Variants in TCF4 observed in about 807,000 individuals in gnomAD.
TCF4 encodes SL3-3 enhancer factor 2.
Under a neutral mutation model 82.1 loss-of-function variants are expected in TCF4, and 3 were observed. That is an observed-to-expected ratio of 0.04 (90% CI 0.02 to 0.09). TCF4 has a LOEUF of 0.09. Among genes scored for constraint, TCF4 ranks in the 10% least tolerant of loss-of-function variants. The pLI, the probability that TCF4 is intolerant of heterozygous loss-of-function variation, is 1.00. For missense variants in TCF4, 518 were observed against 852.7 expected (o/e 0.61, Z 4.89); for synonymous variants, 276 against 309.6 (o/e 0.89, Z 1.14).
intron 15 of TCF4, among the ~76,000 whole-genome samples, chr18:55,242,767 G>A (rs777792377): frequency 2.6e-4 from 40 of 152,102 alleles, no homozygotes; most frequent in South Asian, 8.3e-4. Flanking sequence ...GCACCTTTAC[G>A]CCCAGCTAAT....
chr18:55,427,775 C>CTTTTATGGAATTGTA (rs2095047265), intron 5 of TCF4, among the ~76,000 whole-genome samples: 1 of 152,054 alleles, frequency 6.6e-6, no homozygotes, highest in Admixed American at 6.5e-5. Flanking sequence ...AAAATAGTAC[C>CTTTTATGGAATTGTA]TGCTATTTGT....
At chr18:55,256,570 C>A (rs150850234) in intron 14 of TCF4, among the ~76,000 whole-genome samples, 29 of 152,234 alleles carry the variant, frequency 1.9e-4, no homozygotes, top group African/African-American at 6.3e-4. Flanking sequence ...AACACTAAAG[C>A]AGATAGATAA....
intron 3 of TCF4, among the ~76,000 whole-genome samples, chr18:55,490,017 A>C (rs2096559462): frequency 6.6e-6 from 1 of 152,220 alleles, no homozygotes; most frequent in Non-Finnish European, 1.5e-5. Context: ...TTTTAATGAC[A>C]CATGAAGAAT....
At chr18:55,289,133 G>A (rs2064405756) in intron 8 of TCF4, among the ~76,000 whole-genome samples, 1 of 152,142 alleles carries the variant, frequency 6.6e-6, no homozygotes, top group Non-Finnish European at 1.5e-5. Flanking sequence ...AACTGATTAA[G>A]TTACACCTGG....
chr18:55,546,787 A>G (rs2097210887), intron 3 of TCF4: 2 of 152,232 alleles, frequency 1.3e-5, no homozygotes, highest in Non-Finnish European at 2.9e-5. Flanking sequence ...ATTCATCCCA[A>G]TATATCAACA....
At chr18:55,547,918 T>G (rs1171418664) in intron 3 of TCF4, among the ~76,000 whole-genome samples, 1 of 152,210 alleles carries the variant, frequency 6.6e-6, no homozygotes, top group Non-Finnish European at 1.5e-5. Flanking sequence ...CCATCTAATG[T>G]CATAGCACTC....
chr18:55,434,419 C>CTTTTTTTT (rs765165999), intron 5 of TCF4, among the ~76,000 whole-genome samples: 5 of 118,186 alleles, frequency 4.2e-5, no homozygotes, highest in Admixed American at 2.0e-4. Context: ...ACAGGACATT[C>CTTTTTTTT]TTTTTTTTTT....
At chr18:55,399,829 TTCTC>T (rs147568400) in intron 6 of TCF4, among the ~76,000 whole-genome samples, 14 of 80,794 alleles carry the variant, frequency 1.7e-4, no homozygotes, top group Middle Eastern at 7.4e-3. Context: ...GCAGCTTTCT[TTCTC>T]TCTCTCTCTC....
At chr18:55,538,838 AGAAG>A (rs1201801844) in intron 3 of TCF4, among the ~76,000 whole-genome samples, 2 of 152,194 alleles carry the variant, frequency 1.3e-5, no homozygotes, top group East Asian at 1.9e-4. Context: ...CGAAAATGAA[AGAAG>A]GAAGGTTCGG....
intron 3 of TCF4, among the ~76,000 whole-genome samples, chr18:55,483,762 A>C (rs1359142716): frequency 6.6e-6 from 1 of 152,208 alleles, no homozygotes; most frequent in Non-Finnish European, 1.5e-5. Context: ...AAATTGGGTT[A>C]GGCATTCTGC....
At chr18:55,412,325 T>C (rs1384307441) in intron 5 of TCF4, among the ~76,000 whole-genome samples, 1 of 151,694 alleles carries the variant, frequency 6.6e-6, no homozygotes, top group African/African-American at 2.4e-5. Context: ...CCTTTAAATG[T>C]GCTCATCTCC....
At chr18:55,545,473 C>A (rs1207175187) in intron 3 of TCF4, among the ~76,000 whole-genome samples, 1 of 151,998 alleles carries the variant, frequency 6.6e-6, no homozygotes, top group Admixed American at 6.6e-5. Flanking sequence ...TTTTGAGACA[C>A]TGTCTCACCA....
At chr18:55,576,852 G>T (rs2097531955) in intron 3 of TCF4, among the ~76,000 whole-genome samples, 1 of 151,614 alleles carries the variant, frequency 6.6e-6, no homozygotes, top group Non-Finnish European at 1.5e-5. Context: ...AAAACATGAG[G>T]TTTTTTTGCA....
chr18:55,447,044 C>A (rs1209166743), intron 5 of TCF4, among the ~76,000 whole-genome samples: 1 of 151,324 alleles, frequency 6.6e-6, no homozygotes, highest in South Asian at 2.1e-4. Flanking sequence ...GACACAGTGG[C>A]TCACACTTGT....
intron 8 of TCF4, among the ~76,000 whole-genome samples, chr18:55,311,526 C>T (rs948132369): frequency 2.6e-5 from 4 of 152,210 alleles, no homozygotes; most frequent in Non-Finnish European, 5.9e-5. Context: ...CTGTCAGCAA[C>T]AAATATCCAC....
chr18:55,500,337 AG>A lies in TCF4; in HGVS notation c.146-36201del, dbSNP rs2096684115. On this transcript the variant is annotated intron_variant, in intron 3 of 19. Transcript: ENST00000354452. ...TAGCCTGCAAAGAATTAGGAATAGC[AG>A]GGGAAAGGAGTGGAGGAGGGGAGAA... Among the ~76,000 whole-genome samples the A allele has an allele frequency of 4.6e-5, 7 of 152,336 alleles. No individual in the cohort carries two copies. In the South Asian group the frequency reaches 1.5e-3, roughly 32 times the overall value.
chr18:55,601,910 T>A (rs1414163341), intron 2 of TCF4, among the ~76,000 whole-genome samples: 3 of 152,240 alleles, frequency 2.0e-5, no homozygotes, highest in African/African-American at 7.2e-5. Context: ...GTGCAACTTA[T>A]AAGTCACCTG....
chr18:55,549,167 G>A (rs1055237393), intron 3 of TCF4, among the ~76,000 whole-genome samples: 1 of 152,028 alleles, frequency 6.6e-6, no homozygotes, highest in Non-Finnish European at 1.5e-5. Context: ...TGCACGTGAT[G>A]GCACGCACCT....
intron 8 of TCF4, among the ~76,000 whole-genome samples, chr18:55,294,303 T>C (rs1242010724): frequency 2.6e-5 from 4 of 152,036 alleles, no homozygotes; most frequent in Admixed American, 1.3e-4. Context: ...TCATATCTTA[T>C]ATGAATTATC....
Sources: gnomAD v4.1 joint callset for allele counts (sites outside exome capture counted in the v4.1 genomes callset) on GRCh38, gnomAD v4.1.1 for gene constraint, MANE v1.5 for transcripts, NCBI Gene and HGNC (gene_info 2026-07-23, HGNC 2026-07-21) for gene names.